TCP11L2: variants seen among roughly 807,000 people sequenced by gnomAD.
TCP11L2 encodes T-complex protein 11-like protein 2.
In TCP11L2, 39 loss-of-function variants were observed where a neutral mutation model predicts 50.7. That is an observed-to-expected ratio of 0.77 (90% CI 0.60 to 1.01). TCP11L2 has a LOEUF of 1.01. Among genes scored for constraint, TCP11L2 ranks in the 50% least tolerant of loss-of-function variants. The pLI is 0.00. For missense variants in TCP11L2, 612 were observed against 614.7 expected (o/e 1.00, Z 0.05); for synonymous variants, 192 against 219.3 (o/e 0.88, Z 1.10).
chr12:106,316,461 G>T (rs2035085304), intron 3 of TCP11L2, among the ~76,000 whole-genome samples: 1 of 151,974 alleles, frequency 6.6e-6, no homozygotes, highest in South Asian at 2.1e-4. Flanking sequence ...TTACCTCAGG[G>T]TTCACCAATC....
chr12:106,345,286 A>G (rs750208269), intron 9 of TCP11L2, among the ~76,000 whole-genome samples: 4 of 152,242 alleles, frequency 2.6e-5, no homozygotes, highest in African/African-American at 4.8e-5. Flanking sequence ...GTGAGCCACT[A>G]CGCCTGGCAC....
At chr12:106,298,705 T>G (rs1208063888), upstream of TCP11L2, among the ~76,000 whole-genome samples, 1 of 151,750 alleles carries the variant, frequency 6.6e-6, no homozygotes. Flanking sequence ...GTATTTTTAG[T>G]AGAGATGAGG....
intron 1 of TCP11L2, among the ~76,000 whole-genome samples, chr12:106,305,844 GT>G (rs1300711512): frequency 1.3e-5 from 2 of 152,188 alleles, no homozygotes; most frequent in African/African-American, 2.4e-5. Context: ...GAAATAGGAA[GT>G]TTGGCATGTC....
At chr12:106,321,788 T>A in intron 5 of TCP11L2, 82 bp downstream of exon 5, 1 of 1,121,866 alleles carries the variant, frequency 8.9e-7, no homozygotes, top group Non-Finnish European at 1.3e-6. Flanking sequence ...GAACACAGAA[T>A]AACAACTAGT....
In TCP11L2 at chr12:106,335,623, G is replaced by T. The variant is rs749893741; in HGVS notation, c.773-16G>T. The T allele has an allele frequency of 6.2e-7, 1 of 1,612,362 alleles. No individual in the cohort carries two copies. Among genetic ancestry groups the T allele is most frequent in the East Asian group, 2.2e-5 (1 of 44,866 alleles). On this transcript the variant is annotated splice_polypyrimidine_tract_variant and intron_variant, in intron 6 of 9. Transcript: ENST00000299045. ...CAATCAGCTGTAGAACAAATATGTGGCCTTTTCACTCTTAGGTGCTCTTGA... is the reference window on the plus strand; with the variant it reads ...CAATCAGCTGTAGAACAAATATGTGTCCTTTTCACTCTTAGGTGCTCTTGA...
chr12:106,299,951 A>G (rs949756146), upstream of TCP11L2, among the ~76,000 whole-genome samples: 3 of 152,198 alleles, frequency 2.0e-5, no homozygotes, highest in Non-Finnish European at 2.9e-5. Context: ...CTATTTCTTC[A>G]TCGAACAAAA....
In TCP11L2 at chr12:106,346,762, A is replaced by G. The variant is rs2252929; in HGVS notation, c.*232A>G. The G allele has an allele frequency of 0.83, 358,999 of 430,044 alleles. 150,808 individuals carry two copies. Among genetic ancestry groups the G allele is most frequent in the South Asian group, 0.89 (11,330 of 12,680 alleles). The allele number at this position is 430,044 out of a possible 1,614,324, so 26.6% of individuals were successfully genotyped here. ...GTGCATCATTTTCAAGTTTAAAACAAATATTTGTAATGAACAGAAAACAAT... is the reference window on the plus strand; with the variant it reads ...GTGCATCATTTTCAAGTTTAAAACAGATATTTGTAATGAACAGAAAACAAT... On this transcript the variant is annotated 3_prime_UTR_variant, in exon 10 of 10. Coordinates refer to ENST00000299045, the MANE Select transcript of TCP11L2 (RefSeq NM_152772.3).
chr12:106,306,379 C>G (rs548043954), intron 1 of TCP11L2, among the ~76,000 whole-genome samples: 72 of 152,292 alleles, frequency 4.7e-4, no homozygotes, highest in African/African-American at 1.5e-3. Context: ...GCATTTGAAT[C>G]ATTTGAGAAA....
chr12:106,346,521 T>C lies in TCP11L2; in HGVS notation c.1551T>C (p.Pro517=), dbSNP rs1310281138. 6.8e-6 allele frequency: 11 copies of C among 1,611,856 alleles called. No homozygotes were observed. The highest frequency in any genetic ancestry group is 1.3e-5 in the African/African-American group (1 of 74,810). Residue 517 remains proline (P), a synonymous_variant, in exon 10 of 10, where the codon CCT becomes CCC. Transcript: ENST00000299045. The part of the protein sequence containing the change: ...EAMGKVDASP[P]TN ...TGGGGAAGGTAGATGCTTCACCTCC[T>C]ACTAACTAAAGAAGAACTGACATTG...
intron 1 of TCP11L2, chr12:106,303,183 C>T (rs916761582): frequency 1.3e-5 from 2 of 152,252 alleles, no homozygotes; most frequent in African/African-American, 4.8e-5. Context: ...AGTGGCCGCC[C>T]CGCGTGTCGG....
intron 2 of TCP11L2, among the ~76,000 whole-genome samples, chr12:106,311,835 T>G (rs1015553876): frequency 1.3e-5 from 2 of 152,206 alleles, no homozygotes; most frequent in African/African-American, 4.8e-5. Flanking sequence ...TTTGCCTTTT[T>G]TTTTTTAATT....
At position 106,346,269 on chromosome 12, in the gene TCP11L2, C is replaced by G; in HGVS notation, c.1316-17C>G. The G allele has an allele frequency of 1.3e-6, 2 of 1,585,268 alleles. No homozygotes were observed. Among genetic ancestry groups the G allele is most frequent in the East Asian group, 2.2e-5 (1 of 44,498 alleles). Reference sequence around the variant, plus strand: ...TTTAATAATGGACAGATAAAAGTATCTTTTTTTCCCCTTCAGATAAACGAA... The same window carrying G: ...TTTAATAATGGACAGATAAAAGTATGTTTTTTTCCCCTTCAGATAAACGAA... On this transcript the variant is annotated splice_polypyrimidine_tract_variant and intron_variant, in intron 9 of 9. Transcript: ENST00000299045.
chr12:106,305,990 C>T (rs140694686), intron 1 of TCP11L2, among the ~76,000 whole-genome samples: 1 of 152,206 alleles, frequency 6.6e-6, no homozygotes, highest in Non-Finnish European at 1.5e-5. Flanking sequence ...GGGATGAACT[C>T]TTAAAAAGGA....
At chr12:106,299,541 C>A (rs988173894), upstream of TCP11L2, among the ~76,000 whole-genome samples, 27 of 152,286 alleles carry the variant, frequency 1.8e-4, no homozygotes, top group Admixed American at 1.2e-3. Flanking sequence ...ATGTATTAAA[C>A]CAAGCACAGG....
At chr12:106,339,486 C>G (rs1320694927) in intron 8 of TCP11L2, among the ~76,000 whole-genome samples, 1 of 152,054 alleles carries the variant, frequency 6.6e-6, no homozygotes, top group East Asian at 1.9e-4. Context: ...TAATTAGGTC[C>G]CACTTGTCTA....
At chr12:106,327,958 A>G (rs1167809620) in intron 6 of TCP11L2, among the ~76,000 whole-genome samples, 1 of 152,242 alleles carries the variant, frequency 6.6e-6, no homozygotes. Flanking sequence ...CTGTGAAAAT[A>G]GCAAGAGATT....
chr12:106,341,121 G>A (rs2036083559), intron 9 of TCP11L2, 123 bp downstream of exon 9: 2 of 788,428 alleles, frequency 2.5e-6, no homozygotes, highest in Non-Finnish European at 4.1e-6. Context: ...GATAAATATT[G>A]AAAATATCAA....
At chr12:106,310,794 A>G (rs1226015935) in intron 1 of TCP11L2, among the ~76,000 whole-genome samples, 1 of 152,204 alleles carries the variant, frequency 6.6e-6, no homozygotes, top group East Asian at 1.9e-4. Flanking sequence ...AGAGCTTCAC[A>G]TTTATAGTGG....
At chr12:106,313,914 C>T (rs1309957586) in intron 2 of TCP11L2, among the ~76,000 whole-genome samples, 4 of 151,746 alleles carry the variant, frequency 2.6e-5, no homozygotes, top group African/African-American at 7.2e-5. Context: ...TACAGGTGCC[C>T]GCCACCATGC....
Sources: allele counts gnomAD v4.1 joint callset (sites outside exome capture counted in the v4.1 genomes callset), GRCh38; gene constraint gnomAD v4.1.1; transcripts MANE v1.5; gene names NCBI Gene and HGNC (gene_info 2026-07-23, HGNC 2026-07-21).